The following TIGD6 variants were observed in gnomAD, a reference collection of about 807,000 sequenced individuals.
The protein encoded by TIGD6 is tigger transposable element-derived protein 6.
Under a neutral mutation model 2.6 loss-of-function variants are expected in TIGD6, and 1 was observed. The observed-to-expected ratio is 0.39, with a 90% CI of 0.14 to 1.85. TIGD6 has a LOEUF of 1.85. TIGD6 is among the 40% of genes most tolerant of loss of function. The pLI is 0.32. For missense variants in TIGD6, 601 were observed against 634.2 expected (o/e 0.95, Z 0.56); for synonymous variants, 193 against 221.9 (o/e 0.87, Z 1.16).
At position 149,996,323 on chromosome 5, in the gene TIGD6, C is replaced by T. The variant is rs149642954; in HGVS notation, c.26G>A (p.Arg9His). 5,204 of 1,610,206 alleles carry T rather than the reference C, an allele frequency of 3.2e-3. 19 individuals are homozygous for T. The highest frequency in any genetic ancestry group is 3.8e-3 in the Middle Eastern group (23 of 6,032). ...TTTCTCCTCCAGAGAGAACTGCCGA[C>T]GCTTCTTGTTCCCCTTGTTTGCCAT... MANKGNKKRRQFSLEEKMK... is the reference protein window; with the variant it reads MANKGNKKHRQFSLEEKMK... The change falls in exon 2 of 2, where the codon CGT becomes CAT. Residue 9 changes from arginine to histidine, a missense_variant. Coordinates refer to ENST00000296736, the MANE Select transcript of TIGD6 (RefSeq NM_030953.4).
At position 149,995,921 on chromosome 5, in the gene TIGD6, C is replaced by G; in HGVS notation, c.428G>C (p.Ser143Thr). The G allele has an allele frequency of 6.2e-7, 1 of 1,613,938 alleles. No individual in the cohort carries two copies. The highest frequency in any genetic ancestry group is 8.5e-7 in the Non-Finnish European group (1 of 1,180,046). Residue 143 changes from serine to threonine, a missense_variant, in exon 2 of 2, where the codon AGT (serine) becomes ACT (threonine). Transcript: ENST00000296736. ...TCCTAGACCATTCATTAACCTGTCA[C>G]TATCTTCTCTACAGACTGCTTTCAA... ...IALKAVCRED[S>T]DRLMNGLGID... is the part of the protein sequence containing the mutation.
At position 149,994,034 on chromosome 5, in the gene TIGD6, A is replaced by G. The variant is rs1186646576; in HGVS notation, c.*749T>C. On this transcript the variant is annotated 3_prime_UTR_variant, in exon 2 of 2. Coordinates refer to ENST00000296736, the MANE Select transcript of TIGD6 (RefSeq NM_030953.4). ...AGAACAGTTGATTCTTTTTTTAACA[A>G]TTAGTGATGGGGGAGTATTCAGATG... 6.6e-6 allele frequency: 1 copy of G among 152,258 alleles called. No individual in the cohort carries two copies. Among genetic ancestry groups the G allele is most frequent in the South Asian group, 2.1e-4 (1 of 4,832 alleles). The allele number at this position is 152,258 out of a possible 1,614,324, so 9.4% of individuals were successfully genotyped here. A position where few individuals can be genotyped will look rare whatever the true frequency, so the allele number is the denominator to read the frequency against.
In TIGD6 at chr5:149,994,701, T is replaced by C; in HGVS notation, c.*82A>G. 7.5e-7 allele frequency: 1 copy of C among 1,340,860 alleles called. No homozygotes were observed. Among genetic ancestry groups the C allele is most frequent in the Non-Finnish European group, 1.0e-6 (1 of 1,003,984 alleles). The allele number at this position is 1,340,860 out of a possible 1,614,324, so 83.1% of individuals were successfully genotyped here. ...TACTGGAATGTTGTCACAATAACAT[T>C]GCTTTACTTAAATTGGCTCAACAAC... On this transcript the variant is annotated 3_prime_UTR_variant, in exon 2 of 2. Coordinates refer to ENST00000296736, the MANE Select transcript of TIGD6 (RefSeq NM_030953.4).
chr5:149,999,636 G>T (rs1755491926), intron 1 of TIGD6, among the ~76,000 whole-genome samples: 1 of 152,134 alleles, frequency 6.6e-6, no homozygotes, highest in African/African-American at 2.4e-5. Flanking sequence ...TGAGGTGGGA[G>T]GATCTACTGC....
Position 149,996,446 on chromosome 5 carries a change from G to A in TIGD6, c.-81-17C>T. The A allele has an allele frequency of 6.8e-7, 1 of 1,475,730 alleles. No homozygotes were observed. The highest frequency in any genetic ancestry group is 2.4e-5 in the Admixed American group (1 of 42,526). The allele number at this position is 1,475,730 out of a possible 1,614,324, so 91.4% of individuals were successfully genotyped here. On this transcript the variant is annotated splice_polypyrimidine_tract_variant and intron_variant, in intron 1 of 1. Coordinates refer to ENST00000296736, the MANE Select transcript of TIGD6 (RefSeq NM_030953.4). ...TGTGGAAAGCTGAGAAGACAAAATG[G>A]AGTACCTATCAGGAAACAATGGATT...
rs374634190 is a variant in TIGD6 at position 149,996,008 on chromosome 5, T to C, written c.341A>G (p.Tyr114Cys). 23 of 1,611,152 alleles carry C rather than the reference T, an allele frequency of 1.4e-5. No individual in the cohort carries two copies. The highest frequency in any genetic ancestry group is 3.3e-4 in the Middle Eastern group (2 of 6,062). ...GCCCACACTTGCTTGAAAATTGTCA[T>C]AGCCAAGCATGTTGGCCAAGTTTAG... ...KALNLANMLG[Y>C]DNFQASVGWL... is the part of the protein sequence containing the mutation. Residue 114 changes from tyrosine to cysteine, a missense_variant, in exon 2 of 2, where the codon TAT becomes TGT. Physicochemically the swap from Tyr to Cys is radical, Grantham distance 194 (BLOSUM62 -2). Coordinates refer to ENST00000296736, the MANE Select transcript of TIGD6 (RefSeq NM_030953.4).
intron 1 of TIGD6, 35 bp from the exon 2 acceptor site, chr5:149,996,464 A>G (rs1454574067): frequency 2.7e-5 from 38 of 1,391,958 alleles, no homozygotes; most frequent in Non-Finnish European, 3.4e-5. Flanking sequence ...ATCAGGAAAC[A>G]ATGGATTTCC....
rs1755326974 is a variant in TIGD6 at position 149,994,303 on chromosome 5, G to A, written c.*480C>T. 1 of 152,402 alleles carries A rather than the reference G, an allele frequency of 6.6e-6. No individual in the cohort carries two copies. Among genetic ancestry groups the A allele is most frequent in the Non-Finnish European group, 1.5e-5 (1 of 68,244 alleles). The allele number at this position is 152,402 out of a possible 1,614,324, so 9.4% of individuals were successfully genotyped here. Reference sequence around the variant, plus strand: ...AGCCTTCCAAGTGATTCTGATGTAAGCTAAATTTGGAAGCCCCTGAGATAC... The same window carrying A: ...AGCCTTCCAAGTGATTCTGATGTAAACTAAATTTGGAAGCCCCTGAGATAC... On this transcript the variant is annotated 3_prime_UTR_variant, in exon 2 of 2. Transcript: ENST00000296736.
intron 1 of TIGD6, 141 bp downstream of exon 1, chr5:150,000,333 G>A (rs1410548973): frequency 6.5e-6 from 1 of 153,204 alleles, no homozygotes; most frequent in African/African-American, 2.4e-5. Flanking sequence ...GAGAGGGAAA[G>A]ACTGAGACAG....
Position 149,994,785 on chromosome 5 carries a change from A to T in TIGD6, c.1564T>A (p.Ter522LysextTer9), listed in dbSNP as rs569628145. The T allele has an allele frequency of 3.3e-6, 5 of 1,511,972 alleles. No homozygotes were observed. Among genetic ancestry groups the T allele is most frequent in the Non-Finnish European group, 4.4e-6 (5 of 1,131,090 alleles). 93.7% of individuals were successfully genotyped at this position (1,511,972 alleles called of 1,614,324 possible). Residue 522 changes from the stop codon to lysine, a stop_lost, in exon 2 of 2, where the codon TAA becomes AAA. Transcript: ENST00000296736. ...ATTTTCTGAAATAAATTCCTGCATTATTTTGTTTGGAGGAAATCTGTAATT... is the reference window on the plus strand; with the variant it reads ...ATTTTCTGAAATAAATTCCTGCATTTTTTTGTTTGGAGGAAATCTGTAATT... The part of the protein sequence containing the change: ...SKITDFLQTK[*>K]
rs1755385911 is a variant in TIGD6 at position 149,996,265 on chromosome 5, C to A, written c.84G>T (p.Lys28Asn). ...MKVVGAVDSG[K>N]RKGDVAKEFG... is the part of the protein sequence containing the mutation. The stretch of plus-strand genomic sequence containing the variant: ...ATTCTTTTGCCACATCACCTTTCCT[C>A]TTGCCTGAGTCTACAGCTCCCACAA... Residue 28 changes from lysine to asparagine, a missense_variant, in exon 2 of 2, where the codon AAG becomes AAT. Coordinates refer to ENST00000296736, the MANE Select transcript of TIGD6 (RefSeq NM_030953.4). 1 of 1,614,196 alleles carries A rather than the reference C, an allele frequency of 6.2e-7. No homozygotes were observed. The highest frequency in any genetic ancestry group is 8.5e-7 in the Non-Finnish European group (1 of 1,180,038).
chr5:149,995,599 G>C lies in TIGD6; in HGVS notation c.750C>G (p.Ala250=). Residue 250 remains alanine, a synonymous_variant, in exon 2 of 2, where the codon GCC becomes GCG. Transcript: ENST00000296736. The part of the protein sequence containing the change: ...NIHSLPCDYR[A]NQWAWMTRDL... The stretch of plus-strand genomic sequence containing the variant: ...CCCTTGTCATCCAAGCCCACTGGTT[G>C]GCTCGGTAATCACAAGGGAGGGAAT... 1 of 1,614,244 alleles carries C rather than the reference G, an allele frequency of 6.2e-7. No individual in the cohort carries two copies. The highest frequency in any genetic ancestry group is 8.5e-7 in the Non-Finnish European group (1 of 1,180,050).
At position 149,997,910 on chromosome 5, in the gene TIGD6, G is replaced by A. The variant is rs535963977; in HGVS notation, c.-81-1481C>T. 1.0e-3 allele frequency among the ~76,000 whole-genome samples: 154 copies of A among 151,958 alleles called. 3 individuals carry two copies. Among genetic ancestry groups the A allele is most frequent in the African/African-American group, 3.6e-3 (148 of 41,440 alleles). ...CGGGAGGCGGAGCTTGCAGTGAGCT[G>A]AGATCGCGCCACTGCACTCCAGTCT... On this transcript the variant is annotated intron_variant, in intron 1 of 1. Transcript: ENST00000296736.
chr5:149,996,243 C>T lies in TIGD6; in HGVS notation c.106G>A (p.Glu36Lys). The T allele has an allele frequency of 1.2e-6, 2 of 1,614,214 alleles. No individual in the cohort carries two copies. Among genetic ancestry groups the T allele is most frequent in the East Asian group, 4.5e-5 (2 of 44,890 alleles). ...SGKRKGDVAK[E>K]FGITPSTLST... ...AAAGTAGAGGGAGTGATACCAAATTCTTTTGCCACATCACCTTTCCTCTTG... is the reference window on the plus strand; with the variant it reads ...AAAGTAGAGGGAGTGATACCAAATTTTTTTGCCACATCACCTTTCCTCTTG... Residue 36 changes from glutamate (E) to lysine (K), a missense_variant, in exon 2 of 2, where the codon GAA becomes AAA. Coordinates refer to ENST00000296736, the MANE Select transcript of TIGD6 (RefSeq NM_030953.4).
In TIGD6 at chr5:149,994,651, A is replaced by G; in HGVS notation, c.*132T>C. On this transcript the variant is annotated 3_prime_UTR_variant, in exon 2 of 2. Coordinates refer to ENST00000296736, the MANE Select transcript of TIGD6 (RefSeq NM_030953.4). ...ACACATATTAGTCAAATTCCATTCA[A>G]AGAAGTTTCCTGGCTATTTCAGAGT... 1.1e-6 allele frequency: 1 copy of G among 880,396 alleles called. No homozygotes were observed. The highest frequency in any genetic ancestry group is 1.6e-6 in the Non-Finnish European group (1 of 621,948). 54.5% of individuals were successfully genotyped at this position (880,396 alleles called of 1,614,324 possible).
chr5:149,995,123 G>C lies in TIGD6; in HGVS notation c.1226C>G (p.Thr409Ser), dbSNP rs754093146. 6.2e-7 allele frequency: 1 copy of C among 1,614,214 alleles called. No individual in the cohort carries two copies. The highest frequency in any genetic ancestry group is 8.5e-7 in the Non-Finnish European group (1 of 1,180,044). ...GAAATTTACTTCATTTGGGACACAG[G>C]TGGCAATAGCCACTGTGTGCCACAA... ...EKLWHTVAIA[T>S]CVPNEVNFQD... The change falls in exon 2 of 2, where the codon ACC becomes AGC. Residue 409 changes from threonine to serine, a missense_variant. By Grantham distance (58) the Thr-to-Ser change is moderately conservative. Transcript: ENST00000296736.
In TIGD6 at chr5:149,996,359, T is replaced by A. The variant is rs770926488; in HGVS notation, c.-11A>T. On this transcript the variant is annotated 5_prime_UTR_variant, in exon 2 of 2. Transcript: ENST00000296736. The stretch of plus-strand genomic sequence containing the variant: ...CCCCTTGTTTGCCATTTCCAGGGAA[T>A]GAGGGCTGGCCACAACTAACAGGAC... 1 of 1,593,534 alleles carries A rather than the reference T, an allele frequency of 6.3e-7. No homozygotes were observed. The highest frequency in any genetic ancestry group is 8.5e-7 in the Non-Finnish European group (1 of 1,170,154).
chr5:150,000,303 G>A (rs1365143225), intron 1 of TIGD6, 171 bp downstream of exon 1: 1 of 153,696 alleles, frequency 6.5e-6, no homozygotes, highest in Non-Finnish European at 1.5e-5. Flanking sequence ...GCGGCACTAC[G>A]TATGAACCCG....
chr5:149,995,543 T>A lies in TIGD6; in HGVS notation c.806A>T (p.Asp269Val). Residue 269 changes from aspartate (D) to valine (V), a missense_variant, in exon 2 of 2, where the codon GAT becomes GTT. Transcript: ENST00000296736. ...DLFNEWLMQV[D>V]ARMKRAERRI... ...GCGTTCCGCCCTCTTCATCCTGGCA[T>A]CCACTTGCATCAGCCACTCATTAAA... The A allele has an allele frequency of 6.2e-7, 1 of 1,614,260 alleles. No individual in the cohort carries two copies. The highest frequency in any genetic ancestry group is 1.1e-5 in the South Asian group (1 of 91,090).
Sources: allele counts gnomAD v4.1 joint callset (sites outside exome capture counted in the v4.1 genomes callset), GRCh38; gene constraint gnomAD v4.1.1; transcripts MANE v1.5; gene names NCBI Gene and HGNC (gene_info 2026-07-23, HGNC 2026-07-21).